SPAG16: variants seen among roughly 807,000 people sequenced by gnomAD.
SPAG16 encodes the protein sperm associated antigen 16.
Under a neutral mutation model 80.4 loss-of-function variants are expected in SPAG16, and 86 were observed. That is an observed-to-expected ratio of 1.07 (90% CI 0.90 to 1.28). The LOEUF (loss-of-function observed/expected upper bound fraction) is 1.28. Ranked by LOEUF, SPAG16 falls within the 50% of genes most tolerant of loss-of-function variation. The pLI, the probability that SPAG16 is intolerant of heterozygous loss-of-function variation, is 0.00. For missense variants in SPAG16, 870 were observed against 765.3 expected, an observed-to-expected ratio of 1.14 and a Z score of -1.61; for synonymous variants, 294 against 265.9, an observed-to-expected ratio of 1.11 and a Z score of -1.03.
intron 10 of SPAG16, among the ~76,000 whole-genome samples, chr2:213,709,531 C>A: frequency 6.6e-6 from 1 of 152,168 alleles, no homozygotes; most frequent in East Asian, 1.9e-4. Flanking sequence ...ATTGATTAAA[C>A]AGGGGTTCAT....
intron 10 of SPAG16, among the ~76,000 whole-genome samples, chr2:213,737,296 T>C (rs1050155917): frequency 1.3e-5 from 2 of 152,196 alleles, no homozygotes; most frequent in Non-Finnish European, 2.9e-5. Context: ...ATTTTCTTTG[T>C]GCATACGTGT....
intron 15 of SPAG16, among the ~76,000 whole-genome samples, chr2:214,264,296 G>A (rs1458442895): frequency 1.3e-5 from 2 of 152,062 alleles, no homozygotes; most frequent in African/African-American, 2.4e-5. Context: ...GTGCTGTCAC[G>A]ACTGCATCTG....
At chr2:214,187,942 C>T (rs371638798) in intron 15 of SPAG16, among the ~76,000 whole-genome samples, 5 of 152,066 alleles carry the variant, frequency 3.3e-5, no homozygotes, top group Admixed American at 6.6e-5. Context: ...ACTATTTAAG[C>T]GATTTTTGTA....
chr2:213,923,239 T>C (rs2078306576), intron 11 of SPAG16, among the ~76,000 whole-genome samples: 2 of 152,134 alleles, frequency 1.3e-5, no homozygotes, highest in African/African-American at 4.8e-5. Context: ...CCTAGGACAA[T>C]AGGAGTCTAC....
At chr2:213,915,690 C>T (rs185530310) in intron 11 of SPAG16, among the ~76,000 whole-genome samples, 226 of 152,038 alleles carry the variant, frequency 1.5e-3, no homozygotes, top group African/African-American at 5.2e-3. Context: ...TCTGAGGAAT[C>T]GCCACACTGT....
intron 10 of SPAG16, among the ~76,000 whole-genome samples, chr2:213,588,388 A>G (rs561879901): frequency 6.6e-6 from 1 of 152,280 alleles, no homozygotes; most frequent in East Asian, 1.9e-4. Context: ...TAATATGACA[A>G]AGACCGTTAG....
chr2:213,804,669 C>G (rs1178416861), intron 10 of SPAG16, among the ~76,000 whole-genome samples: 1 of 151,010 alleles, frequency 6.6e-6, no homozygotes, highest in Non-Finnish European at 1.5e-5. Context: ...GGCGACAGAG[C>G]GAGACTCCGT....
intron 15 of SPAG16, among the ~76,000 whole-genome samples, chr2:214,208,492 A>G (rs150525967): frequency 1.3e-5 from 2 of 152,136 alleles, no homozygotes; most frequent in East Asian, 1.9e-4. Context: ...ATCTTTTTCA[A>G]ACTATTTCAG....
chr2:213,587,932 T>G (rs2060527428), intron 10 of SPAG16, among the ~76,000 whole-genome samples: 1 of 152,212 alleles, frequency 6.6e-6, no homozygotes, highest in African/African-American at 2.4e-5. Flanking sequence ...TTGGGTCATA[T>G]GCCCCTTAGA....
At chr2:214,380,081 T>C (rs1361190579) in intron 15 of SPAG16, among the ~76,000 whole-genome samples, 1 of 152,164 alleles carries the variant, frequency 6.6e-6, no homozygotes, top group African/African-American at 2.4e-5. Flanking sequence ...TAGTGTTATA[T>C]GAAGGAGGTA....
chr2:213,495,385 T>C lies in SPAG16; in HGVS notation c.1070+5295T>C, dbSNP rs147546498. Among the ~76,000 whole-genome samples, 12 of 152,354 alleles carry C rather than the reference T, an allele frequency of 7.9e-5. No homozygotes were observed. The East Asian group carries it at 2.1e-3, about 27-fold the overall frequency. On this transcript the variant is annotated intron_variant, in intron 10 of 15. Transcript: ENST00000331683. The stretch of plus-strand genomic sequence containing the variant: ...CTCCAAACTTTATCAAGCTTTAATC[T>C]TCCAGACTAATGAGCTATCTCTTTG...
intron 10 of SPAG16, among the ~76,000 whole-genome samples, chr2:213,520,177 T>C (rs531879923): frequency 2.6e-5 from 4 of 152,184 alleles, no homozygotes; most frequent in African/African-American, 9.6e-5. Context: ...ACCAGGACTA[T>C]TGGCAACCAC....
rs190446618 is a variant in SPAG16 at position 213,773,761 on chromosome 2, C to T, written c.1071-88724C>T. Among the ~76,000 whole-genome samples the T allele has an allele frequency of 1.3e-3, 204 of 151,996 alleles. 1 individual carries two copies. Among genetic ancestry groups the T allele is most frequent in the African/African-American group, 4.7e-3 (196 of 41,454 alleles). On this transcript the variant is annotated intron_variant, in intron 10 of 15. Transcript: ENST00000331683. Reference sequence around the variant, plus strand: ...TAGAGATAGAGTTTCACCATCTTGGCCAGGCTGGTCCTGAACTCCTGACCT... The same window carrying T: ...TAGAGATAGAGTTTCACCATCTTGGTCAGGCTGGTCCTGAACTCCTGACCT...
intron 9 of SPAG16, among the ~76,000 whole-genome samples, chr2:213,454,905 A>T (rs969974027): frequency 2.0e-5 from 3 of 152,224 alleles, no homozygotes; most frequent in Non-Finnish European, 4.4e-5. Context: ...TGTTAGACAC[A>T]CACCCCTTTT....
intron 9 of SPAG16, among the ~76,000 whole-genome samples, chr2:213,434,749 T>G (rs367657691): frequency 9.2e-5 from 14 of 152,312 alleles, no homozygotes; most frequent in African/African-American, 3.4e-4. Flanking sequence ...AAAACCACAA[T>G]GATATGTCAT....
chr2:213,352,140 G>A lies in SPAG16; in HGVS notation c.762+1495G>A, dbSNP rs145721808. Among the ~76,000 whole-genome samples the A allele has an allele frequency of 3.8e-3, 565 of 150,440 alleles. 6 individuals carry two copies. Among genetic ancestry groups the A allele is most frequent in the African/African-American group, 0.013 (529 of 40,914 alleles). ...GACTCCCCAGCCATGTGGAACTTGA[G>A]CCAATTAAACCTCTAGTCTTTTTTT... On this transcript the variant is annotated intron_variant, in intron 7 of 15. Transcript: ENST00000331683.
At chr2:214,221,740 G>T (rs1251705359) in intron 15 of SPAG16, among the ~76,000 whole-genome samples, 1 of 152,082 alleles carries the variant, frequency 6.6e-6, no homozygotes, top group African/African-American at 2.4e-5. Context: ...TCAGAGGAAT[G>T]CTAAAGAAAG....
chr2:213,888,524 TAATA>T (rs1214512203), intron 11 of SPAG16, among the ~76,000 whole-genome samples: 6 of 151,506 alleles, frequency 4.0e-5, no homozygotes, highest in Non-Finnish European at 7.4e-5. Flanking sequence ...AATAAATATT[TAATA>T]AATAAATATG....
chr2:213,506,596 C>T (rs2074979243), intron 10 of SPAG16, among the ~76,000 whole-genome samples: 1 of 152,124 alleles, frequency 6.6e-6, no homozygotes, highest in Admixed American at 6.6e-5. Context: ...TCCTCGTGGA[C>T]TGAGGTTTAT....
Sources: allele counts gnomAD v4.1 joint callset (sites outside exome capture counted in the v4.1 genomes callset), GRCh38; gene constraint gnomAD v4.1.1; transcripts MANE v1.5; gene names NCBI Gene and HGNC (gene_info 2026-07-23, HGNC 2026-07-21).